Variants in CAMKMT observed in about 807,000 individuals in gnomAD.
CAMKMT encodes calmodulin-lysine N-methyltransferase.
A neutral mutation model predicts 48.0 loss-of-function variants in CAMKMT; 53 were observed. That is an observed-to-expected ratio of 1.10 (90% confidence interval 0.89 to 1.39). The LOEUF (loss-of-function observed/expected upper bound fraction) is 1.39. Ranked by LOEUF, CAMKMT falls within the 40% of genes most tolerant of loss-of-function variation. The probability of loss-of-function intolerance (pLI) is 0.00; values close to 1 mark genes in which losing one functional copy is unlikely to be tolerated. For missense variants in CAMKMT, 428 were observed against 402.7 expected (o/e 1.06, Z -0.54); for synonymous variants, 165 against 152.3 (o/e 1.08, Z -0.61).
chr2:44,445,188 A>G (rs776274256), intron 3 of CAMKMT, among the ~76,000 whole-genome samples: 7 of 152,170 alleles, frequency 4.6e-5, no homozygotes, highest in Admixed American at 3.3e-4. Flanking sequence ...GTGAGAGCAG[A>G]TAATTCCTAT....
chr2:44,495,739 T>C (rs997598508), intron 3 of CAMKMT, among the ~76,000 whole-genome samples: 2 of 152,148 alleles, frequency 1.3e-5, no homozygotes, highest in Non-Finnish European at 2.9e-5. Flanking sequence ...CTCCATTCTT[T>C]AGCAGCTGTC....
chr2:44,531,551 T>C lies in CAMKMT; in HGVS notation c.376+141246T>C, dbSNP rs190214478. 2.8e-3 allele frequency among the ~76,000 whole-genome samples: 431 copies of C among 152,290 alleles called. 1 individual carries two copies. The highest frequency in any genetic ancestry group is 9.9e-3 in the African/African-American group (410 of 41,580). On this transcript the variant is annotated intron_variant, in intron 3 of 10. Coordinates refer to ENST00000378494, the MANE Select transcript of CAMKMT (RefSeq NM_024766.5). ...ATATTCATAGTTTTATCAGCGGCCA[T>C]AGGGTTATTAGTCATGGGAGCCAAT...
At chr2:44,558,281 C>T (rs1558701743) in intron 3 of CAMKMT, among the ~76,000 whole-genome samples, 1 of 152,106 alleles carries the variant, frequency 6.6e-6, no homozygotes, top group Admixed American at 6.6e-5. Context: ...CTCAAGTGAG[C>T]CTCCTGCCTT....
At chr2:44,467,561 C>T (rs1668189269) in intron 3 of CAMKMT, among the ~76,000 whole-genome samples, 1 of 149,776 alleles carries the variant, frequency 6.7e-6, no homozygotes, top group African/African-American at 2.5e-5. Flanking sequence ...CAAAAAAAAA[C>T]AAAGCCAAAC....
chr2:44,627,858 C>A (rs1387064989), intron 3 of CAMKMT, among the ~76,000 whole-genome samples: 2 of 151,572 alleles, frequency 1.3e-5, no homozygotes, highest in Admixed American at 6.6e-5. Flanking sequence ...TGCCACCACA[C>A]CTGGCTAATT....
At chr2:44,436,356 G>T (rs535045033) in intron 3 of CAMKMT, among the ~76,000 whole-genome samples, 1 of 152,214 alleles carries the variant, frequency 6.6e-6, no homozygotes, top group Admixed American at 6.5e-5. Flanking sequence ...GGGATTATAG[G>T]TATGAGCCCC....
chr2:44,728,858 T>A (rs1678932415), intron 7 of CAMKMT, among the ~76,000 whole-genome samples: 1 of 149,950 alleles, frequency 6.7e-6, no homozygotes, highest in Non-Finnish European at 1.5e-5. Flanking sequence ...TTTTTTTTTT[T>A]TTTGAGAACC....
At chr2:44,380,298 C>T (rs1324694040) in intron 2 of CAMKMT, among the ~76,000 whole-genome samples, 3 of 152,098 alleles carry the variant, frequency 2.0e-5, no homozygotes, top group African/African-American at 7.2e-5. Context: ...TGGGATAAAG[C>T]TTTGAAGTTT....
At position 44,675,755 on chromosome 2, in the gene CAMKMT, C is replaced by A. The variant is rs1675651407; in HGVS notation, c.377-28528C>A. ...TATTCACATCATTGTGCAAACATTACCACCATCAATTTCCAGAGCTCTTTT... is the reference window on the plus strand; with the variant it reads ...TATTCACATCATTGTGCAAACATTAACACCATCAATTTCCAGAGCTCTTTT... On this transcript the variant is annotated intron_variant, in intron 3 of 10. Coordinates refer to ENST00000378494, the MANE Select transcript of CAMKMT (RefSeq NM_024766.5). 2.0e-5 allele frequency among the ~76,000 whole-genome samples: 3 copies of A among 152,030 alleles called. No individual in the cohort carries two copies. The South Asian group carries it at 6.2e-4, about 32-fold the overall frequency.
At chr2:44,687,606 A>G (rs1305289226) in intron 3 of CAMKMT, among the ~76,000 whole-genome samples, 4 of 152,248 alleles carry the variant, frequency 2.6e-5, no homozygotes, top group Non-Finnish European at 5.9e-5. Flanking sequence ...TCAAATCTGC[A>G]AAAAGTATTT....
intron 3 of CAMKMT, among the ~76,000 whole-genome samples, chr2:44,409,069 T>C (rs1682981578): frequency 7.7e-6 from 1 of 130,708 alleles, no homozygotes; most frequent in Non-Finnish European, 1.7e-5. Context: ...TTTTTAGTTG[T>C]TATTTCAGCC....
intron 3 of CAMKMT, among the ~76,000 whole-genome samples, chr2:44,640,558 A>G (rs779593388): frequency 2.7e-4 from 41 of 152,322 alleles, no homozygotes; most frequent in Non-Finnish European, 5.3e-4. Context: ...TTCCTCATAC[A>G]TAACAGTGTT....
chr2:44,550,250 A>T (rs1227694903), intron 3 of CAMKMT, among the ~76,000 whole-genome samples: 1 of 152,070 alleles, frequency 6.6e-6, no homozygotes, highest in Non-Finnish European at 1.5e-5. Context: ...TCATTAAAAA[A>T]ATTAGGCAGG....
At chr2:44,722,177 T>C (rs1678501561) in intron 7 of CAMKMT, among the ~76,000 whole-genome samples, 1 of 1,810 alleles carries the variant, frequency 5.5e-4, no homozygotes. Flanking sequence ...TTCTTTTTTC[T>C]TTTTTTTTTT....
At chr2:44,659,998 T>C (rs1167304434) in intron 3 of CAMKMT, among the ~76,000 whole-genome samples, 7 of 152,212 alleles carry the variant, frequency 4.6e-5, no homozygotes, top group African/African-American at 1.7e-4. Context: ...TATCTATCAA[T>C]ATTTATTGTA....
chr2:44,591,742 T>C (rs1572873165), intron 3 of CAMKMT, among the ~76,000 whole-genome samples: 1 of 152,054 alleles, frequency 6.6e-6, no homozygotes, highest in African/African-American at 2.4e-5. Context: ...TAAATCATGC[T>C]GCTATAAAGA....
intron 3 of CAMKMT, among the ~76,000 whole-genome samples, chr2:44,487,646 C>A (rs1000716578): frequency 6.6e-6 from 1 of 152,182 alleles, no homozygotes; most frequent in South Asian, 2.1e-4. Context: ...TTGTACTGGT[C>A]ATTGTGTGAA....
chr2:44,585,998 A>C (rs992070204), intron 3 of CAMKMT, among the ~76,000 whole-genome samples: 14 of 152,258 alleles, frequency 9.2e-5, no homozygotes, highest in Non-Finnish European at 1.8e-4. Context: ...TAGAGGGTCC[A>C]GAGAAAAACA....
chr2:44,757,417 GCCA>G (rs1163335408), intron 9 of CAMKMT, among the ~76,000 whole-genome samples: 2 of 152,180 alleles, frequency 1.3e-5, no homozygotes, highest in Non-Finnish European at 2.9e-5. Flanking sequence ...TCTGGTCTCT[GCCA>G]CTGACTGAAT....
Sources: allele counts gnomAD v4.1 joint callset (sites outside exome capture counted in the v4.1 genomes callset), GRCh38; gene constraint gnomAD v4.1.1; transcripts MANE v1.5; gene names NCBI Gene and HGNC (gene_info 2026-07-23, HGNC 2026-07-21).